SLC31A1: variants seen among roughly 807,000 people sequenced by gnomAD.
SLC31A1 encodes solute carrier family 31 member 1.
In SLC31A1, 5 loss-of-function variants were observed where a neutral mutation model predicts 17.2. That is an observed-to-expected ratio of 0.29 (90% CI 0.15 to 0.61). The LOEUF (loss-of-function observed/expected upper bound fraction) is 0.61, where lower values mean the gene tolerates loss of function less well. Among genes scored for constraint, SLC31A1 ranks in the 20% least tolerant of loss-of-function variants. The pLI is 0.86. For missense variants in SLC31A1, 161 were observed against 241.4 expected (o/e 0.67, Z 2.21); for synonymous variants, 76 against 78.8 (o/e 0.96, Z 0.19).
At chr9:113,250,168 C>T (rs2119009007) in intron 1 of SLC31A1, among the ~76,000 whole-genome samples, 1 of 142,076 alleles carries the variant, frequency 7.0e-6, no homozygotes, top group East Asian at 2.0e-4. Context: ...CCCAGCCATC[C>T]CATTACTGGG....
In SLC31A1 at chr9:113,258,743, A is replaced by G; in HGVS notation, c.252A>G (p.Glu84=). The G allele has an allele frequency of 6.2e-7, 1 of 1,614,200 alleles. No individual in the cohort carries two copies. Among genetic ancestry groups the G allele is most frequent in the Non-Finnish European group, 8.5e-7 (1 of 1,180,042 alleles). ...TGTTTTTACTAGCAATGTTCTATGAAGGACTCAAGATAGCCCGAGAGAGCC... is the reference window on the plus strand; with the variant it reads ...TGTTTTTACTAGCAATGTTCTATGAGGGACTCAAGATAGCCCGAGAGAGCC... ...VAVFLLAMFY[E]GLKIARESLL... The change falls in exon 4 of 5, where the codon GAA becomes GAG. Residue 84 remains glutamate (E), a synonymous_variant. Transcript: ENST00000374212. This position sits in a 1 kb window ranked among gnomAD's most constrained non-coding sequence, Gnocchi z 4.8.
intron 1 of SLC31A1, among the ~76,000 whole-genome samples, chr9:113,241,399 T>G (rs766081302): frequency 5.3e-5 from 8 of 152,190 alleles, no homozygotes; most frequent in Non-Finnish European, 8.8e-5. Flanking sequence ...CAGATTCCAA[T>G]GGGGCATCTT....
chr9:113,224,016 A>G (rs751079250), intron 1 of SLC31A1, among the ~76,000 whole-genome samples: 4 of 152,246 alleles, frequency 2.6e-5, no homozygotes, highest in Non-Finnish European at 4.4e-5. Flanking sequence ...TAACGAACAC[A>G]TAAACATTCT....
intron 1 of SLC31A1, among the ~76,000 whole-genome samples, chr9:113,232,510 G>A (rs1395723757): frequency 6.6e-6 from 1 of 151,872 alleles, no homozygotes; most frequent in African/African-American, 2.4e-5. Flanking sequence ...AGATTCATTT[G>A]CACACCCCTG....
intron 1 of SLC31A1, among the ~76,000 whole-genome samples, chr9:113,240,089 C>T (rs541073982): frequency 2.4e-4 from 37 of 152,306 alleles, no homozygotes; most frequent in African/African-American, 7.2e-4. Context: ...TCCTCTCTTT[C>T]GCTTCCCACC....
At chr9:113,244,082 G>C (rs1377471548) in intron 1 of SLC31A1, among the ~76,000 whole-genome samples, 1 of 146,952 alleles carries the variant, frequency 6.8e-6, no homozygotes, top group Non-Finnish European at 1.5e-5. Context: ...TTGAACCCAG[G>C]AGGCGGAGCT....
intron 1 of SLC31A1, among the ~76,000 whole-genome samples, chr9:113,244,155 CA>C (rs1200835310): frequency 0.056 from 2,326 of 41,300 alleles, 7 homozygotes; most frequent in Non-Finnish European, 0.081. Context: ...AACTCCATCT[CA>C]AAAAAAAAAA....
rs1831786048 is a variant in SLC31A1, at chr9:113,260,902, G to C, written c.*429G>C. 8 of 292,034 alleles carry C rather than the reference G, an allele frequency of 2.7e-5. No homozygotes were observed. The highest frequency in any genetic ancestry group is 2.7e-4 in the South Asian group (8 of 30,178). The allele number at this position is 292,034 out of a possible 1,614,324, so 18.1% of individuals were successfully genotyped here. On this transcript the variant is annotated 3_prime_UTR_variant, in exon 5 of 5. Coordinates refer to ENST00000374212, the MANE Select transcript of SLC31A1 (RefSeq NM_001859.4). ...GATGGAAAGGGGTTAACTTCAGCCA[G>C]GATTGATGGCAGCTGAGGGAAATTC...
chr9:113,237,200 G>GT (rs1455436568), intron 1 of SLC31A1, among the ~76,000 whole-genome samples: 2 of 152,164 alleles, frequency 1.3e-5, no homozygotes, highest in Non-Finnish European at 2.9e-5. Flanking sequence ...GCAGCCAAGA[G>GT]TACTGCAGAT....
At chr9:113,236,417 G>A (rs1228155444) in intron 1 of SLC31A1, among the ~76,000 whole-genome samples, 1 of 152,086 alleles carries the variant, frequency 6.6e-6, no homozygotes, top group African/African-American at 2.4e-5. Flanking sequence ...AGGTTGGAGT[G>A]CAGTGGTGCG....
rs762456034 is a variant in SLC31A1, at chr9:113,257,062, C to T, written c.130-51C>T. ...TCTAAGCTTCTTTGCCCCAAATTCT[C>T]ATTTAGAATTTTCATTCATCTCTAA... On this transcript the variant is annotated intron_variant, in intron 2 of 4. Coordinates refer to ENST00000374212, the MANE Select transcript of SLC31A1 (RefSeq NM_001859.4). The T allele has an allele frequency of 1.2e-5, 17 of 1,423,240 alleles. No homozygotes were observed. The Admixed American group carries it at 2.2e-4, about 18-fold the overall frequency. The allele number at this position is 1,423,240 out of a possible 1,614,324, so 88.2% of individuals were successfully genotyped here. A position where few individuals can be genotyped will look rare whatever the true frequency, so the allele number is the denominator to read the frequency against.
intron 1 of SLC31A1, among the ~76,000 whole-genome samples, chr9:113,222,313 T>C (rs1381750921): frequency 6.6e-6 from 1 of 152,142 alleles, no homozygotes; most frequent in Admixed American, 6.5e-5. Context: ...GGCAGACACA[T>C]CCCCACCCCA....
At chr9:113,225,038 C>T (rs1239644724) in intron 1 of SLC31A1, among the ~76,000 whole-genome samples, 2 of 152,222 alleles carry the variant, frequency 1.3e-5, no homozygotes, top group African/African-American at 4.8e-5. Context: ...TTTCTCTTCT[C>T]ATTTATACTT....
chr9:113,258,782 A>G lies in SLC31A1; in HGVS notation c.291A>G (p.Ser97=), dbSNP rs1391566676. ...CCCGAGAGAGCCTGCTGCGTAAGTC[A>G]CAAGTCAGCATTCGCTACAATTCCA... The part of the protein sequence containing the change: ...KIARESLLRK[S]QVSIRYNSMP... The change falls in exon 4 of 5, where the codon TCA becomes TCG. Residue 97 remains serine (S), a synonymous_variant. Coordinates refer to ENST00000374212, the MANE Select transcript of SLC31A1 (RefSeq NM_001859.4). The surrounding 1 kb of genome is among the most constrained non-coding windows in gnomAD (Gnocchi z 4.8). The G allele has an allele frequency of 6.2e-7, 1 of 1,614,252 alleles. No individual in the cohort carries two copies. Among genetic ancestry groups the G allele is most frequent in the East Asian group, 2.2e-5 (1 of 44,886 alleles).
At chr9:113,255,866 A>G (rs1831721135) in intron 1 of SLC31A1, 2 of 235,760 alleles carry the variant, frequency 8.5e-6, no homozygotes, top group South Asian at 1.5e-4. Context: ...GATGCATTCC[A>G]TATAGACAAA....
At chr9:113,228,852 T>A (rs1831370383) in intron 1 of SLC31A1, among the ~76,000 whole-genome samples, 1 of 152,226 alleles carries the variant, frequency 6.6e-6, no homozygotes, top group Non-Finnish European at 1.5e-5. Context: ...ATGATACTTT[T>A]TTTTTTCTTT....
chr9:113,228,939 T>C (rs1467356801), intron 1 of SLC31A1, among the ~76,000 whole-genome samples: 2 of 150,186 alleles, frequency 1.3e-5, no homozygotes, highest in African/African-American at 4.9e-5. Context: ...CTCTGCCTCC[T>C]GGGTTCAAGT....
At chr9:113,237,497 C>T (rs758022227) in intron 1 of SLC31A1, among the ~76,000 whole-genome samples, 13 of 151,210 alleles carry the variant, frequency 8.6e-5, no homozygotes, top group Non-Finnish European at 1.3e-4. Flanking sequence ...GCCCTTAGAA[C>T]GCAAAAAAAG....
At chr9:113,253,331 A>G (rs566302411) in intron 1 of SLC31A1, among the ~76,000 whole-genome samples, 2 of 152,076 alleles carry the variant, frequency 1.3e-5, no homozygotes, top group South Asian at 2.1e-4. Context: ...TGATCTCTCC[A>G]TCCTACCATA....
Sources: gnomAD v4.1 joint callset for allele counts (sites outside exome capture counted in the v4.1 genomes callset) on GRCh38, gnomAD v4.1.1 for gene constraint, Gnocchi (gnomAD v3.1) non-coding constraint, MANE v1.5 for transcripts, NCBI Gene and HGNC (gene_info 2026-07-23, HGNC 2026-07-21) for gene names.